TAF4: variants seen among roughly 807,000 people sequenced by gnomAD.
The protein encoded by TAF4 is TATA-box binding protein associated factor 4.
TAF4 carries 9 observed loss-of-function variants against 90.3 expected under a neutral mutation model. That is an observed-to-expected ratio of 0.10 (90% CI 0.06 to 0.17). The LOEUF (loss-of-function observed/expected upper bound fraction) is 0.17. TAF4 is among the 10% of genes least tolerant of loss of function. The probability of loss-of-function intolerance (pLI) is 1.00; values close to 1 mark genes in which losing one functional copy is unlikely to be tolerated. For synonymous variants in TAF4, 818 were observed against 638.9 expected (o/e 1.28, Z -4.23); for missense variants, 1,351 against 1,370.7 (o/e 0.99, Z 0.23).
chr20:62,051,435 A>G lies in TAF4; in HGVS notation c.1360+13016T>C, dbSNP rs368945020. On this transcript the variant is annotated intron_variant, in intron 1 of 14. Transcript: ENST00000252996. ...CTGTCAGGCAGGGAGCCACCCAGCA[A>G]TGCTCCCTCCCCACAGGGCCCTGGG... Among the ~76,000 whole-genome samples, 400 of 152,162 alleles carry G rather than the reference A, an allele frequency of 2.6e-3. 2 individuals are homozygous for G. Among genetic ancestry groups the G allele is most frequent in the African/African-American group, 9.0e-3 (373 of 41,540 alleles).
chr20:62,017,482 C>CA (rs66697524), intron 1 of TAF4, among the ~76,000 whole-genome samples: 12,460 of 127,928 alleles, frequency 0.097, 1,263 homozygotes, highest in African/African-American at 0.26. Context: ...ACTAAAAATA[C>CA]AAAAAAAAAA....
chr20:62,017,162 GTTT>G, intron 1 of TAF4, among the ~76,000 whole-genome samples: 1 of 151,412 alleles, frequency 6.6e-6, no homozygotes, highest in South Asian at 2.1e-4. Context: ...AAAAAAAAAT[GTTT>G]TTAAGGAATT....
At chr20:62,056,392 CAA>C (rs1173043581) in intron 1 of TAF4, among the ~76,000 whole-genome samples, 1 of 152,102 alleles carries the variant, frequency 6.6e-6, no homozygotes, top group Non-Finnish European at 1.5e-5. Context: ...TATCCATTCC[CAA>C]AAGTCGTATT....
In TAF4 at chr20:62,014,539, G is replaced by A. The variant is rs760754351; in HGVS notation, c.1521+8C>T. 2.5e-6 allele frequency: 4 copies of A among 1,602,984 alleles called. No individual in the cohort carries two copies. The highest frequency in any genetic ancestry group is 3.4e-6 in the Non-Finnish European group (4 of 1,174,834). The stretch of plus-strand genomic sequence containing the variant: ...GGGGTTCGCACTCCAGGGCACACGT[G>A]CACTCACCTGTACGGTGGAGATCTG... On this transcript the variant is annotated splice_region_variant and intron_variant, in intron 2 of 14. Transcript: ENST00000252996.
At chr20:62,050,465 A>G (rs1042242448) in intron 1 of TAF4, among the ~76,000 whole-genome samples, 5 of 152,196 alleles carry the variant, frequency 3.3e-5, no homozygotes, top group East Asian at 3.9e-4. Context: ...GAGATTCCAG[A>G]CAGGTGCCCC....
At chr20:62,052,803 C>A (rs552945827) in intron 1 of TAF4, among the ~76,000 whole-genome samples, 14 of 142,560 alleles carry the variant, frequency 9.8e-5, no homozygotes, top group Non-Finnish European at 2.0e-4. Context: ...CCTCACACCA[C>A]CCCACCCCCA....
Position 62,064,714 on chromosome 20 carries a change from G to T in TAF4, c.1097C>A (p.Pro366Gln), listed in dbSNP as rs758645785. 2 of 1,234,302 alleles carry T rather than the reference G, an allele frequency of 1.6e-6. No homozygotes were observed. The highest frequency in any genetic ancestry group is 1.0e-6 in the Non-Finnish European group (1 of 991,112). The allele number at this position is 1,234,302 out of a possible 1,614,324, so 76.5% of individuals were successfully genotyped here. ...GACCATGCTGGCCGCCGTGCTGGCC[G>T]GGCCGCTGGCCGCCAGGGTCTGCGC... ...PAAQTLAASG[P>Q]ASTAASMVIG... Residue 366 changes from proline (P) to glutamine (Q), a missense_variant, in exon 1 of 15, where the codon CCG (proline) becomes CAG (glutamine). Around this residue, in one of 9 missense-constraint regions of TAF4, gnomAD observed 782 missense variants for 536.6 expected, o/e 1.46. Coordinates refer to ENST00000252996, the MANE Select transcript of TAF4 (RefSeq NM_003185.4).
intron 1 of TAF4, among the ~76,000 whole-genome samples, chr20:62,063,500 T>C (rs1439719840): frequency 6.6e-6 from 1 of 152,100 alleles, no homozygotes; most frequent in Non-Finnish European, 1.5e-5. Flanking sequence ...CAGGCAATCT[T>C]TCCTGTCAAA....
intron 13 of TAF4, 58 bp from the exon 14 acceptor site, chr20:61,997,727 C>A (rs2055672106): frequency 1.3e-6 from 2 of 1,550,040 alleles, no homozygotes; most frequent in African/African-American, 1.4e-5. Flanking sequence ...TTACTTACTA[C>A]AAAAGTAATA....
chr20:62,001,203 C>G lies in TAF4; in HGVS notation c.2487-482G>C, dbSNP rs28382102. Among the ~76,000 whole-genome samples, 58 of 152,326 alleles carry G rather than the reference C, an allele frequency of 3.8e-4. 1 individual carries two copies. The highest frequency in any genetic ancestry group is 3.5e-3 in the Admixed American group (54 of 15,306). Reference sequence around the variant, plus strand: ...GTGTTTCCTACAGACAAGGGCATCCCCTCCAGAAGCAGGATGCCATTGAGA... The same window carrying G: ...GTGTTTCCTACAGACAAGGGCATCCGCTCCAGAAGCAGGATGCCATTGAGA... On this transcript the variant is annotated intron_variant, in intron 9 of 14. Transcript: ENST00000252996.
At chr20:62,044,722 A>C (rs940027406) in intron 1 of TAF4, among the ~76,000 whole-genome samples, 7 of 152,232 alleles carry the variant, frequency 4.6e-5, no homozygotes, top group African/African-American at 1.7e-4. Flanking sequence ...ATAAAAATAC[A>C]ATTTCACAGA....
At chr20:61,991,894 A>T (rs6142913) in intron 14 of TAF4, among the ~76,000 whole-genome samples, 3 of 151,892 alleles carry the variant, frequency 2.0e-5, no homozygotes, top group Non-Finnish European at 4.4e-5. Flanking sequence ...GAAGAAAAAC[A>T]CGTGGCCTAC....
chr20:62,064,732 G>A lies in TAF4; in HGVS notation c.1079C>T (p.Thr360Ile), dbSNP rs112320666. ...GCTGGCCGGGCCGCTGGCCGCCAGG[G>A]TCTGCGCCGCCGGGGGCGCCGCCTG... ...VVQAAPPAAQ[T>I]LAASGPASTA... Residue 360 changes from threonine to isoleucine, a missense_variant, in exon 1 of 15, where the codon ACC becomes ATC. Physicochemically the swap from Thr to Ile is moderately conservative, Grantham distance 89. Coordinates refer to ENST00000252996, the MANE Select transcript of TAF4 (RefSeq NM_003185.4). 1.7e-6 allele frequency: 2 copies of A among 1,205,084 alleles called. No homozygotes were observed. The highest frequency in any genetic ancestry group is 4.3e-5 in the Admixed American group (1 of 23,242). 74.6% of individuals were successfully genotyped at this position (1,205,084 alleles called of 1,614,324 possible).
intron 14 of TAF4, among the ~76,000 whole-genome samples, chr20:61,983,215 G>C (rs971567405): frequency 1.3e-5 from 2 of 151,012 alleles, no homozygotes; most frequent in African/African-American, 2.4e-5. Context: ...AGTCCTGTGA[G>C]ACAGGAGACC....
Position 62,003,722 on chromosome 20 carries a change from G to A in TAF4, c.2371+9C>T, listed in dbSNP as rs1312334237. ...GTGTTGAGCGGCCAGGGGCCCGCGAGGCCCTCACCTGGCTGCAGTGGGTTC... is the reference window on the plus strand; with the variant it reads ...GTGTTGAGCGGCCAGGGGCCCGCGAAGCCCTCACCTGGCTGCAGTGGGTTC... On this transcript the variant is annotated intron_variant, in intron 8 of 14. Coordinates refer to ENST00000252996, the MANE Select transcript of TAF4 (RefSeq NM_003185.4). 1.3e-6 allele frequency: 2 copies of A among 1,582,504 alleles called. No individual in the cohort carries two copies. Among genetic ancestry groups the A allele is most frequent in the African/African-American group, 2.7e-5 (2 of 74,348 alleles).
Position 62,065,391 on chromosome 20 carries a change from C to A in TAF4, c.420G>T (p.Val140=), listed in dbSNP as rs1296813911. The A allele has an allele frequency of 1.7e-5, 17 of 971,950 alleles. No homozygotes were observed. Among genetic ancestry groups the A allele is most frequent in the Non-Finnish European group, 2.1e-5 (17 of 823,108 alleles). The allele number at this position is 971,950 out of a possible 1,614,324, so 60.2% of individuals were successfully genotyped here. Residue 140 remains valine (V), a synonymous_variant, in exon 1 of 15, where the codon GTG becomes GTT. Coordinates refer to ENST00000252996, the MANE Select transcript of TAF4 (RefSeq NM_003185.4). The stretch of plus-strand genomic sequence containing the variant: ...CCGCGGCGACGGCGGCGGCGGCGGG[C>A]ACCGGGGCGCAGGACCCCGCGCTGC... ...PEGSAGSCAP[V]PAAAAVAAGP... is the part of the protein sequence containing the mutation.
rs2123147708 is a variant in TAF4 at position 62,013,006 on chromosome 20, T to C, written c.1522-72A>G. 7.0e-6 allele frequency: 11 copies of C among 1,582,510 alleles called. No individual in the cohort carries two copies. In the East Asian group the frequency reaches 9.0e-5, roughly 13 times the overall value. The stretch of plus-strand genomic sequence containing the variant: ...TTCCCACCCCCAGGTACACAGAAAT[T>C]ATTCCTTCCATATGTAACTAGTATA... On this transcript the variant is annotated intron_variant, in intron 2 of 14. Transcript: ENST00000252996.
chr20:62,055,580 T>C (rs929342260), intron 1 of TAF4, among the ~76,000 whole-genome samples: 6 of 152,164 alleles, frequency 3.9e-5, no homozygotes, highest in Admixed American at 1.3e-4. Flanking sequence ...ATTCACACTG[T>C]GTACAGGCAG....
chr20:62,014,514 G>C, intron 2 of TAF4, 33 bp downstream of exon 2: 1 of 1,566,250 alleles, frequency 6.4e-7, no homozygotes, highest in Non-Finnish European at 8.7e-7. Flanking sequence ...GGGCAGGGAA[G>C]GGGTTCGCAC....
Sources: allele counts gnomAD v4.1 joint callset (sites outside exome capture counted in the v4.1 genomes callset), GRCh38; gene constraint gnomAD v4.1.1; regional missense constraint gnomAD v4.1.1; transcripts MANE v1.5; gene names NCBI Gene and HGNC (gene_info 2026-07-23, HGNC 2026-07-21).